MAPK14: variants seen among roughly 807,000 people sequenced by gnomAD.
MAPK14 encodes CSAID-binding protein.
MAPK14 carries 16 observed loss-of-function variants against 49.6 expected under a neutral mutation model. The observed-to-expected ratio is 0.32, with a 90% CI of 0.22 to 0.49. The LOEUF (loss-of-function observed/expected upper bound fraction) is 0.49. Ranked by LOEUF, MAPK14 falls within the 20% of genes least tolerant of loss-of-function variation. MAPK14 has a pLI of 0.99. For missense variants in MAPK14, 200 were observed against 441.2 expected, an observed-to-expected ratio of 0.45 and a Z score of 4.90; for synonymous variants, 142 against 158.0, an observed-to-expected ratio of 0.90 and a Z score of 0.76.
rs144897762 is a variant in MAPK14, at chr6:36,047,795, G to A, written c.117-4904G>A. 4.1e-3 allele frequency among the ~76,000 whole-genome samples: 627 copies of A among 151,518 alleles called. 3 individuals carry two copies. Among genetic ancestry groups the A allele is most frequent in the Non-Finnish European group, 6.9e-3 (471 of 67,878 alleles). On this transcript the variant is annotated intron_variant, in intron 1 of 11. Transcript: ENST00000229794. ...TTGTTGCCCAGGCTGGAGTGCAATG[G>A]CATGATCTCAGCTCACTGCAACCTC...
At chr6:36,062,149 G>A (rs1373123857) in intron 3 of MAPK14, among the ~76,000 whole-genome samples, 1 of 151,932 alleles carries the variant, frequency 6.6e-6, no homozygotes, top group Non-Finnish European at 1.5e-5. Context: ...GCTAATTTTT[G>A]TATTTTTGGT....
chr6:36,083,601 A>T (rs1764853657), intron 8 of MAPK14, among the ~76,000 whole-genome samples: 1 of 151,680 alleles, frequency 6.6e-6, no homozygotes, highest in Non-Finnish European at 1.5e-5. Context: ...GGCCAGACTG[A>T]CTCTTTAGGC....
At position 36,028,207 on chromosome 6, in the gene MAPK14, T is replaced by C. The variant is rs745950744; in HGVS notation, c.50T>C (p.Ile17Thr). The C allele has an allele frequency of 6.2e-7, 1 of 1,613,790 alleles. No individual in the cohort carries two copies. The highest frequency in any genetic ancestry group is 1.7e-5 in the Admixed American group (1 of 60,012). Residue 17 changes from isoleucine to threonine, a missense_variant, in exon 1 of 12, where the codon ATC (isoleucine) becomes ACC (threonine). Transcript: ENST00000229794. The surrounding 1 kb of genome is among the most constrained non-coding windows in gnomAD (Gnocchi z 5.1). The stretch of plus-strand genomic sequence containing the variant: ...TACCGGCAGGAGCTGAACAAGACAA[T>C]CTGGGAGGTGCCCGAGCGTTACCAG... ...TFYRQELNKT[I>T]WEVPERYQNL...
chr6:36,095,955 TC>T (rs778869157), intron 8 of MAPK14, 31 bp from the exon 9 acceptor site: 2 of 1,293,532 alleles, frequency 1.5e-6, no homozygotes, highest in Non-Finnish European at 2.2e-6. Context: ...TTTTATTTTG[TC>T]CCAACATTTT....
the MAPK14 span, among the ~76,000 whole-genome samples, chr6:36,119,801 G>T: frequency 6.6e-6 from 1 of 152,156 alleles, no homozygotes; most frequent in Non-Finnish European, 1.5e-5. Flanking sequence ...GCAGAAACAT[G>T]TCAGCAGTGC....
intron 3 of MAPK14, among the ~76,000 whole-genome samples, chr6:36,061,594 A>G (rs1342106896): frequency 6.6e-6 from 1 of 152,222 alleles, no homozygotes; most frequent in Non-Finnish European, 1.5e-5. Flanking sequence ...TTGGAAGCAA[A>G]TCTCATTACT....
At chr6:36,073,380 T>A (rs181324414) in intron 4 of MAPK14, among the ~76,000 whole-genome samples, 1 of 152,198 alleles carries the variant, frequency 6.6e-6, no homozygotes, top group Non-Finnish European at 1.5e-5. Context: ...AAGACTAATT[T>A]ATTTGTTGGA....
chr6:36,027,856 A>G lies in MAPK14; in HGVS notation c.-302A>G, dbSNP rs56156688. The G allele has an allele frequency of 0.11, 42,924 of 402,108 alleles. 2,481 individuals are homozygous for G. Among genetic ancestry groups the G allele is most frequent in the African/African-American group, 0.18 (8,652 of 48,724 alleles). 24.9% of individuals were successfully genotyped at this position (402,108 alleles called of 1,614,324 possible). A position where few individuals can be genotyped will look rare whatever the true frequency, so the allele number is the denominator to read the frequency against. On this transcript the variant is annotated 5_prime_UTR_variant, in exon 1 of 12. Coordinates refer to ENST00000229794, the MANE Select transcript of MAPK14 (RefSeq NM_139012.3). The stretch of plus-strand genomic sequence containing the variant: ...AGCTGGAACGGGAGTACTGCGACGC[A>G]GCCCGGAGTCGGCCTTGTAGGGGCG...
chr6:36,030,295 A>G (rs908622753), intron 1 of MAPK14, among the ~76,000 whole-genome samples: 32 of 152,220 alleles, frequency 2.1e-4, no homozygotes, highest in Middle Eastern at 3.2e-3. Context: ...TTTCTGTGGT[A>G]TAGAAGCCAG....
intron 1 of MAPK14, among the ~76,000 whole-genome samples, chr6:36,047,401 G>GGAAAGAGTA (rs1452408361): frequency 1.3e-5 from 2 of 152,140 alleles, no homozygotes; most frequent in African/African-American, 4.8e-5. Flanking sequence ...TGAGAGAGAG[G>GGAAAGAGTA]GAAAGAGTAG....
intron 1 of MAPK14, among the ~76,000 whole-genome samples, chr6:36,047,850 C>T (rs1763242788): frequency 6.6e-6 from 1 of 152,028 alleles, no homozygotes; most frequent in Non-Finnish European, 1.5e-5. Flanking sequence ...ATTCTCCTGC[C>T]TCAGCCTCCC....
chr6:36,046,434 G>A (rs1311576314), intron 1 of MAPK14, among the ~76,000 whole-genome samples: 5 of 152,186 alleles, frequency 3.3e-5, no homozygotes, highest in Non-Finnish European at 7.4e-5. Context: ...ATTGAGAGGC[G>A]TATTTGAGCT....
At chr6:36,089,011 C>T (rs193198228) in intron 8 of MAPK14, among the ~76,000 whole-genome samples, 1 of 152,228 alleles carries the variant, frequency 6.6e-6, no homozygotes. Flanking sequence ...CCTCAAAGAC[C>T]TAGAACCAGA....
At chr6:36,089,239 T>C (rs1250969863) in intron 8 of MAPK14, among the ~76,000 whole-genome samples, 2 of 152,214 alleles carry the variant, frequency 1.3e-5, no homozygotes, top group Non-Finnish European at 2.9e-5. Context: ...ATGAATGAGA[T>C]TGTGCCCTTT....
chr6:36,073,065 A>G (rs757679118), intron 4 of MAPK14, 81 bp downstream of exon 4: 3 of 873,644 alleles, frequency 3.4e-6, no homozygotes, highest in African/African-American at 1.7e-5. Context: ...AAACAAGTAA[A>G]CAACTTTTCT....
chr6:36,072,806 A>G, intron 3 of MAPK14, 67 bp from the exon 4 acceptor site: 2 of 880,586 alleles, frequency 2.3e-6, no homozygotes, highest in Non-Finnish European at 3.6e-6. Flanking sequence ...AACTTATAAA[A>G]GTCTTCTGAA....
At chr6:36,062,038 C>G (rs1327507323) in intron 3 of MAPK14, among the ~76,000 whole-genome samples, 1 of 152,130 alleles carries the variant, frequency 6.6e-6, no homozygotes, top group Non-Finnish European at 1.5e-5. Context: ...AGTGCAGTGG[C>G]AAGATCTTGG....
Position 36,107,348 on chromosome 6 carries a change from G to A in MAPK14, c.842-107G>A. 1.5e-6 allele frequency: 1 copy of A among 675,208 alleles called. No individual in the cohort carries two copies. Among genetic ancestry groups the A allele is most frequent in the South Asian group, 2.8e-5 (1 of 36,296 alleles). 41.8% of individuals were successfully genotyped at this position (675,208 alleles called of 1,614,324 possible). ...ATCCTAGAGTAGGTATTTTGGAGGA[G>A]AGTTCTTTGTTTGGATATGAAGGGT... is the stretch of plus-strand genomic sequence containing the variant. On this transcript the variant is annotated intron_variant, in intron 10 of 11. Transcript: ENST00000229794. This position sits in a 1 kb window ranked among gnomAD's most constrained non-coding sequence, Gnocchi z 4.3.
the MAPK14 span, among the ~76,000 whole-genome samples, chr6:36,117,987 G>A: frequency 6.6e-6 from 1 of 152,222 alleles, no homozygotes. Flanking sequence ...ATATGTAGGG[G>A]TTATCTGCCT....
Sources: gnomAD v4.1 joint callset for allele counts (sites outside exome capture counted in the v4.1 genomes callset) on GRCh38, gnomAD v4.1.1 for gene constraint, Gnocchi (gnomAD v3.1) non-coding constraint, MANE v1.5 for transcripts, NCBI Gene and HGNC (gene_info 2026-07-23, HGNC 2026-07-21) for gene names.